Variants in EIF5A observed in about 807,000 individuals in gnomAD.
The protein encoded by EIF5A is eukaryotic translation initiation factor 5A, also known as eukaryotic translation initiation factor 5A-1.
A neutral mutation model predicts 16.6 loss-of-function variants in EIF5A; 1 was observed. That is an observed-to-expected ratio of 0.06 (90% confidence interval 0.02 to 0.28). The LOEUF is 0.28. EIF5A is among the 10% of genes least tolerant of loss of function. The pLI is 1.00. For synonymous variants in EIF5A, 80 were observed against 73.6 expected, an observed-to-expected ratio of 1.09 and a Z score of -0.44; for missense variants, 29 against 196.1, an observed-to-expected ratio of 0.15 and a Z score of 5.09.
chr17:7,310,084 G>A (rs1426290551), intron 2 of EIF5A: 2 of 1,410,482 alleles, frequency 1.4e-6, no homozygotes, highest in Middle Eastern at 1.9e-4. Context: ...TTATGCTCTA[G>A]CTATTCAGTT....
intron 2 of EIF5A, chr17:7,310,059 TCAATTCATAGG>T (rs1183577207): frequency 1.8e-5 from 26 of 1,468,164 alleles, no homozygotes; most frequent in Non-Finnish European, 2.3e-5. Flanking sequence ...GCCAATCTCT[TCAATTCATAGG>T]CCTTTATGCT....
intron 1 of EIF5A, among the ~76,000 whole-genome samples, chr17:7,309,311 C>G (rs1412398721): frequency 6.6e-6 from 1 of 152,162 alleles, no homozygotes; most frequent in Admixed American, 6.5e-5. Context: ...TCCCCACTCC[C>G]AGGAAGTAGG....
chr17:7,308,858 C>T (rs976138440), intron 1 of EIF5A, among the ~76,000 whole-genome samples: 1 of 152,184 alleles, frequency 6.6e-6, no homozygotes, highest in African/African-American at 2.4e-5. Flanking sequence ...TTCACCACCC[C>T]CCACCTCTCC....
At chr17:7,310,588 G>A in intron 2 of EIF5A, 1 of 1,066,616 alleles carries the variant, frequency 9.4e-7, no homozygotes. Flanking sequence ...TGATCTCCCT[G>A]CAAGTCCTTT....
At chr17:7,309,834 A>C (rs779653249) in intron 2 of EIF5A, 34 bp downstream of exon 2, 39 of 1,613,926 alleles carry the variant, frequency 2.4e-5, no homozygotes, top group Non-Finnish European at 3.3e-5. Flanking sequence ...TGCCTTCCCC[A>C]TGCCTCCAGT....
intron 5 of EIF5A, 45 bp downstream of exon 5, chr17:7,311,696 C>A: frequency 1.9e-6 from 3 of 1,611,088 alleles, no homozygotes; most frequent in Non-Finnish European, 2.5e-6. Flanking sequence ...ATTTTGTTGT[C>A]CTCAGCAGAG....
intron 3 of EIF5A, 91 bp downstream of exon 3, chr17:7,311,213 G>A (rs1567613406): frequency 6.3e-7 from 1 of 1,577,708 alleles, no homozygotes; most frequent in African/African-American, 1.4e-5. Context: ...GCTTGTGCTG[G>A]GAGAGAGGAG....
intron 1 of EIF5A, 46 bp downstream of exon 1, chr17:7,307,798 CG>C: frequency 5.6e-6 from 5 of 886,350 alleles, no homozygotes; most frequent in Non-Finnish European, 6.7e-6. Flanking sequence ...GGCTTGGGCC[CG>C]GGAGAAGATG....
chr17:7,308,238 A>C (rs2072690313), intron 1 of EIF5A: 1 of 1,024,296 alleles, frequency 9.8e-7, no homozygotes, highest in African/African-American at 1.8e-5. Context: ...GCGGCACCGG[A>C]AGTGCCCCCC....
In EIF5A at chr17:7,312,269, G is replaced by A. The variant is rs1277621479; in HGVS notation, c.*459G>A. The A allele has an allele frequency of 8.8e-5, 16 of 182,502 alleles. No individual in the cohort carries two copies. In the South Asian group the frequency reaches 1.7e-3, roughly 20 times the overall value. 11.3% of individuals were successfully genotyped at this position (182,502 alleles called of 1,614,324 possible). A position where few individuals can be genotyped will look rare whatever the true frequency, so the allele number is the denominator to read the frequency against. On this transcript the variant is annotated 3_prime_UTR_variant, in exon 6 of 6. Coordinates refer to ENST00000336458, the MANE Select transcript of EIF5A (RefSeq NM_001970.5). ...CAACAGACTGGGGACCAGCCCCCTC[G>A]CCTGCCTGTGTCTCTCCCCAAACCC...
chr17:7,307,702 C>A lies in EIF5A; in HGVS notation c.-72C>A. 4.8e-6 allele frequency: 5 copies of A among 1,043,494 alleles called. No homozygotes were observed. The highest frequency in any genetic ancestry group is 5.8e-6 in the Non-Finnish European group (5 of 868,542). 64.6% of individuals were successfully genotyped at this position (1,043,494 alleles called of 1,614,324 possible). On this transcript the variant is annotated 5_prime_UTR_variant, in exon 1 of 6. Transcript: ENST00000336458. ...GCGGCGGCAGCGGGCTCGGAGGCAG[C>A]GGTTGGGCTCGCGGCGAGCGGACGG...
intron 2 of EIF5A, 126 bp from the exon 3 acceptor site, chr17:7,310,892 C>T: frequency 7.0e-7 from 1 of 1,436,068 alleles, no homozygotes. Flanking sequence ...TGGTTCAATT[C>T]CAACACTCCA....
intron 1 of EIF5A, among the ~76,000 whole-genome samples, chr17:7,309,290 C>T (rs1718960841): frequency 6.6e-6 from 1 of 150,422 alleles, no homozygotes; most frequent in African/African-American, 2.4e-5. Context: ...TGGCAAGTAA[C>T]ACCTGAGTCC....
At chr17:7,310,786 T>C (rs2072799803) in intron 2 of EIF5A, 1 of 985,442 alleles carries the variant, frequency 1.0e-6, no homozygotes, top group Non-Finnish European at 1.2e-6. Context: ...AAGCCTGCCA[T>C]GCAGTTTTCT....
intron 3 of EIF5A, 28 bp downstream of exon 3, chr17:7,311,150 G>C: frequency 6.2e-7 from 1 of 1,610,942 alleles, no homozygotes; most frequent in African/African-American, 1.3e-5. Context: ...ATGAGGATGG[G>C]TTAGCGGTTT....
In EIF5A at chr17:7,308,654, C is replaced by A. The variant is rs1169807092; in HGVS notation, c.-22+902C>A. ...TTGGACAGGAGCCCAACTTTTCTGT[C>A]GGCCTGGGTGGACAGCGCCTAAAAG... is the stretch of plus-strand genomic sequence containing the variant. On this transcript the variant is annotated intron_variant, in intron 1 of 5. Transcript: ENST00000336458. 3 of 1,269,036 alleles carry A rather than the reference C, an allele frequency of 2.4e-6. No homozygotes were observed. The South Asian group carries it at 3.6e-5, about 15-fold the overall frequency. The allele number at this position is 1,269,036 out of a possible 1,614,324, so 78.6% of individuals were successfully genotyped here.
intron 1 of EIF5A, 71 bp downstream of exon 1, chr17:7,307,823 G>A: frequency 2.0e-6 from 2 of 987,530 alleles, no homozygotes; most frequent in Non-Finnish European, 2.4e-6. Flanking sequence ...CTGCGCGGGG[G>A]TCGGGGAGGG....
At chr17:7,311,167 G>T in intron 3 of EIF5A, 45 bp downstream of exon 3, 1 of 1,604,948 alleles carries the variant, frequency 6.2e-7, no homozygotes, top group Non-Finnish European at 8.5e-7. Context: ...GTTTATGGTG[G>T]AGGGAGGGGT....
At chr17:7,307,021 G>A, upstream of EIF5A, 1 of 1,572,984 alleles carries the variant, frequency 6.4e-7, no homozygotes, top group Non-Finnish European at 8.6e-7. Context: ...CGCTAGAAGA[G>A]TGGGGCGGAA....
Sources: gnomAD v4.1 joint callset for allele counts (sites outside exome capture counted in the v4.1 genomes callset) on GRCh38, gnomAD v4.1.1 for gene constraint, MANE v1.5 for transcripts, NCBI Gene and HGNC (gene_info 2026-07-23, HGNC 2026-07-21) for gene names.